NRXN1: variants seen among roughly 807,000 people sequenced by gnomAD.
NRXN1 encodes the protein neurexin 1.
A neutral mutation model predicts 150.9 loss-of-function variants in NRXN1; 39 were observed. The ratio of observed to expected loss-of-function variants is 0.26; its 90% CI spans 0.20 to 0.34. The LOEUF (loss-of-function observed/expected upper bound fraction) is 0.34, where lower values mean the gene tolerates loss of function less well. NRXN1 is among the 10% of genes least tolerant of loss of function. The pLI is 1.00. For synonymous variants in NRXN1, 924 were observed against 757.0 expected (o/e 1.22, Z -3.62); for missense variants, 1,815 against 1,949.9 (o/e 0.93, Z 1.30).
At chr2:50,225,017 A>G (rs900416128) in intron 18 of NRXN1, among the ~76,000 whole-genome samples, 1 of 151,994 alleles carries the variant, frequency 6.6e-6, no homozygotes, top group African/African-American at 2.4e-5. Context: ...AACAAAAGAA[A>G]AGTCTTCCTT....
At chr2:50,533,242 C>G (rs1390383720) in intron 10 of NRXN1, among the ~76,000 whole-genome samples, 1 of 152,106 alleles carries the variant, frequency 6.6e-6, no homozygotes, top group Non-Finnish European at 1.5e-5. Flanking sequence ...GCTCACTCCT[C>G]TAATATTTAT....
chr2:50,293,535 C>T (rs1314292260), intron 17 of NRXN1, among the ~76,000 whole-genome samples: 1 of 152,106 alleles, frequency 6.6e-6, no homozygotes, highest in Non-Finnish European at 1.5e-5. Flanking sequence ...TTCAATACTG[C>T]TTCGTAGATC....
chr2:50,903,572 A>C (rs1683248362), intron 5 of NRXN1, among the ~76,000 whole-genome samples: 2 of 152,124 alleles, frequency 1.3e-5, no homozygotes, highest in Admixed American at 1.3e-4. Context: ...CCCCACCCCC[A>C]CAACATACCT....
chr2:50,784,915 G>A (rs1490066365), intron 5 of NRXN1, among the ~76,000 whole-genome samples: 3 of 152,080 alleles, frequency 2.0e-5, no homozygotes, highest in African/African-American at 4.8e-5. Flanking sequence ...TTATAGATAC[G>A]AATTGGAATA....
At chr2:49,933,469 T>G (rs1311401356) in intron 22 of NRXN1, among the ~76,000 whole-genome samples, 3 of 152,082 alleles carry the variant, frequency 2.0e-5, no homozygotes, top group Non-Finnish European at 4.4e-5. Context: ...CTCTGTCCTT[T>G]GCTGTGGGAG....
intron 15 of NRXN1, among the ~76,000 whole-genome samples, chr2:50,476,995 A>T (rs1290043357): frequency 6.6e-6 from 1 of 152,146 alleles, no homozygotes; most frequent in East Asian, 1.9e-4. Context: ...TGTGGTTGCA[A>T]AGTGGGGGAG....
At position 50,251,008 on chromosome 2, in the gene NRXN1, G is replaced by GTAATAAATTTATTACATATTGTATA. The variant is rs1559172216; in HGVS notation, c.3365-14039_3365-14038insTATACAATATGTAATAAATTTATTA. On this transcript the variant is annotated intron_variant, in intron 17 of 22. Coordinates refer to ENST00000401669, the MANE Select transcript of NRXN1 (RefSeq NM_001330078.2). ...AATAAATTTATTACACATTGCATAT[G>GTAATAAATTTATTACATATTGTATA]TGTAATATTACATATTGTATATGTA... 2.3e-4 allele frequency among the ~76,000 whole-genome samples: 21 copies of GTAATAAATTTATTACATATTGTATA among 93,138 alleles called. 1 individual carries two copies. The highest frequency in any genetic ancestry group is 8.9e-4 in the African/African-American group (21 of 23,520). 61.1% of individuals were successfully genotyped at this position (93,138 alleles called of 152,430 possible).
At chr2:50,797,175 T>C (rs909929035) in intron 5 of NRXN1, among the ~76,000 whole-genome samples, 1 of 152,184 alleles carries the variant, frequency 6.6e-6, no homozygotes, top group Non-Finnish European at 1.5e-5. Context: ...GCAATTAGTT[T>C]ATTTTTAAAT....
At chr2:50,563,959 G>GT (rs1334937561) in intron 8 of NRXN1, among the ~76,000 whole-genome samples, 1 of 152,152 alleles carries the variant, frequency 6.6e-6, no homozygotes, top group African/African-American at 2.4e-5. Context: ...TGCTGATGAT[G>GT]TTTTTAGCAA....
chr2:50,402,262 AG>A (rs2103951377), intron 17 of NRXN1, among the ~76,000 whole-genome samples: 1 of 152,220 alleles, frequency 6.6e-6, no homozygotes, highest in African/African-American at 2.4e-5. Flanking sequence ...TAATTTTATA[AG>A]TATGGATACA....
rs565020797 is a variant in NRXN1, at chr2:50,552,170, G to A, written c.1759+417C>T. Among the ~76,000 whole-genome samples, 9 of 152,166 alleles carry A rather than the reference G, an allele frequency of 5.9e-5. No individual in the cohort carries two copies. The South Asian group carries it at 1.7e-3, about 28-fold the overall frequency. On this transcript the variant is annotated intron_variant, in intron 9 of 22. Coordinates refer to ENST00000401669, the MANE Select transcript of NRXN1 (RefSeq NM_001330078.2). ...CCTAAAGTGTGACGTGCCAAACTAA[G>A]GATTTTATGTTTGGATCATTCTAAT...
chr2:50,753,401 T>C (rs1700825091), intron 5 of NRXN1, among the ~76,000 whole-genome samples: 1 of 151,786 alleles, frequency 6.6e-6, no homozygotes. Flanking sequence ...ACAAATGAGA[T>C]GCTGTACTGC....
chr2:50,709,393 A>G (rs1411942347), intron 5 of NRXN1, among the ~76,000 whole-genome samples: 1 of 152,126 alleles, frequency 6.6e-6, no homozygotes, highest in Non-Finnish European at 1.5e-5. Flanking sequence ...AGAAATACAC[A>G]GTGTTATGAG....
At chr2:50,872,940 G>A (rs1678010015) in intron 5 of NRXN1, among the ~76,000 whole-genome samples, 1 of 151,846 alleles carries the variant, frequency 6.6e-6, no homozygotes, top group African/African-American at 2.4e-5. Flanking sequence ...AGTAGAGGCT[G>A]CAGTGAGCTA....
intron 10 of NRXN1, among the ~76,000 whole-genome samples, chr2:50,531,675 G>C (rs1016359932): frequency 6.6e-6 from 1 of 151,062 alleles, no homozygotes; most frequent in Non-Finnish European, 1.5e-5. Flanking sequence ...CTTTTTTTTT[G>C]TTCCCAGAGC....
chr2:50,892,004 G>A (rs1157844859), intron 5 of NRXN1, among the ~76,000 whole-genome samples: 2 of 151,972 alleles, frequency 1.3e-5, no homozygotes, highest in Non-Finnish European at 2.9e-5. Context: ...ATATTATCAG[G>A]ATACACAAAC....
intron 17 of NRXN1, among the ~76,000 whole-genome samples, chr2:50,329,615 GTGTATATATATA>G (rs1558536201): frequency 1.8e-3 from 29 of 15,776 alleles, no homozygotes; most frequent in Non-Finnish European, 3.0e-3. Flanking sequence ...GTGTGTGTGT[GTGTATATATATA>G]TATATATATA....
chr2:50,905,037 C>A (rs1394089187), intron 5 of NRXN1, among the ~76,000 whole-genome samples: 2 of 152,084 alleles, frequency 1.3e-5, no homozygotes, highest in African/African-American at 4.8e-5. Flanking sequence ...AAGAACAAGA[C>A]CCAGGCCATG....
intron 10 of NRXN1, among the ~76,000 whole-genome samples, chr2:50,532,824 T>C (rs1210520598): frequency 6.6e-6 from 1 of 152,162 alleles, no homozygotes; most frequent in African/African-American, 2.4e-5. Flanking sequence ...CTCCTTAATG[T>C]TAAGCACCAT....
Sources: gnomAD v4.1 joint callset for allele counts (sites outside exome capture counted in the v4.1 genomes callset) on GRCh38, gnomAD v4.1.1 for gene constraint, MANE v1.5 for transcripts, NCBI Gene and HGNC (gene_info 2026-07-23, HGNC 2026-07-21) for gene names.